Variants in ANKDD1A observed in about 807,000 individuals in gnomAD.
ANKDD1A encodes the protein ankyrin repeat and death domain containing 1A.
Under a neutral mutation model 63.5 loss-of-function variants are expected in ANKDD1A, and 59 were observed. That is an observed-to-expected ratio of 0.93 (90% confidence interval 0.75 to 1.15). ANKDD1A has a LOEUF of 1.15. Among genes scored for constraint, ANKDD1A ranks in the 50% most tolerant of loss-of-function variants. ANKDD1A has a pLI of 0.00. For missense variants in ANKDD1A, 632 were observed against 656.4 expected, an observed-to-expected ratio of 0.96 and a Z score of 0.41; for synonymous variants, 266 against 263.9, an observed-to-expected ratio of 1.01 and a Z score of -0.08.
chr15:64,916,018 AGGGAGGCTCG>A, intron 2 of ANKDD1A, 118 bp downstream of exon 2: 3 of 979,250 alleles, frequency 3.1e-6, no homozygotes, highest in Admixed American at 4.9e-5. Context: ...GTAAACTTGG[AGGGAGGCTCG>A]GGCTCTGTCC....
At chr15:64,941,885 C>G (rs1320072528) in intron 9 of ANKDD1A, among the ~76,000 whole-genome samples, 1 of 152,114 alleles carries the variant, frequency 6.6e-6, no homozygotes, top group Non-Finnish European at 1.5e-5. Flanking sequence ...CTCTTTCATT[C>G]ATTCATTTTT....
chr15:64,950,901 C>T, intron 14 of ANKDD1A: 4 of 1,240,394 alleles, frequency 3.2e-6, no homozygotes, highest in Non-Finnish European at 4.1e-6. Flanking sequence ...TAAAACCAGT[C>T]CTGTGAGGCA....
intron 1 of ANKDD1A, among the ~76,000 whole-genome samples, chr15:64,913,460 G>A (rs1302776287): frequency 1.3e-5 from 2 of 152,170 alleles, no homozygotes; most frequent in African/African-American, 4.8e-5. Context: ...ACTGTGCCAG[G>A]GGGTTTTCAT....
At chr15:64,951,427 CTTCT>C (rs2085273856) in intron 14 of ANKDD1A, 10 of 106,186 alleles carry the variant, frequency 9.4e-5, no homozygotes, top group African/African-American at 4.1e-4. Context: ...TTCCTCTTTT[CTTCT>C]TTTTCTTTCT....
chr15:64,944,023 G>A (rs1437680325), intron 11 of ANKDD1A, among the ~76,000 whole-genome samples: 3 of 152,192 alleles, frequency 2.0e-5, no homozygotes, highest in East Asian at 3.9e-4. Context: ...GTATGAGGCT[G>A]GGAGGTCACA....
intron 9 of ANKDD1A, among the ~76,000 whole-genome samples, chr15:64,942,175 A>C (rs1387889670): frequency 1.5e-4 from 23 of 152,126 alleles, no homozygotes; most frequent in Admixed American, 1.1e-3. Context: ...TTGCCAGATG[A>C]AGAGTAGCAG....
Position 64,939,564 on chromosome 15 carries a change from A to G in ANKDD1A, c.868-2903A>G, listed in dbSNP as rs550419889. On this transcript the variant is annotated intron_variant, in intron 9 of 14. Transcript: ENST00000319580. ...CAAGGGTTTGAAGCTGCAGTCAACT[A>G]TGATCACACACTGCGCTCCAACCTG... 1.1e-3 allele frequency among the ~76,000 whole-genome samples: 172 copies of G among 152,316 alleles called. 1 individual carries two copies. Among genetic ancestry groups the G allele is most frequent in the African/African-American group, 3.8e-3 (156 of 41,570 alleles).
At chr15:64,915,648 G>A in intron 1 of ANKDD1A, 149 bp from the exon 2 acceptor site, 1 of 606,660 alleles carries the variant, frequency 1.6e-6, no homozygotes, top group Non-Finnish European at 2.9e-6. Flanking sequence ...GACCTTGAGA[G>A]GGAGGAGGGC....
intron 9 of ANKDD1A, among the ~76,000 whole-genome samples, chr15:64,942,026 C>CTT (rs2085188381): frequency 6.6e-6 from 1 of 152,166 alleles, no homozygotes; most frequent in Non-Finnish European, 1.5e-5. Flanking sequence ...GTTTTCTGAA[C>CTT]TTCAGTGTTT....
intron 4 of ANKDD1A, among the ~76,000 whole-genome samples, chr15:64,924,066 C>G (rs2085028104): frequency 6.6e-6 from 1 of 152,210 alleles, no homozygotes; most frequent in Admixed American, 6.5e-5. Context: ...GCGGGCAGTT[C>G]CTGTGGCCTT....
intron 9 of ANKDD1A, among the ~76,000 whole-genome samples, chr15:64,935,481 CT>C (rs2085123229): frequency 6.6e-6 from 1 of 152,038 alleles, no homozygotes; most frequent in African/African-American, 2.4e-5. Context: ...CGAGACCATC[CT>C]GGATAACATG....
At chr15:64,935,980 C>G (rs1308378008) in intron 9 of ANKDD1A, among the ~76,000 whole-genome samples, 1 of 152,146 alleles carries the variant, frequency 6.6e-6, no homozygotes, top group Non-Finnish European at 1.5e-5. Flanking sequence ...GCTTTGTATG[C>G]TGGTACTACA....
intron 11 of ANKDD1A, among the ~76,000 whole-genome samples, chr15:64,943,978 C>T (rs1011174579): frequency 6.6e-6 from 1 of 152,240 alleles, no homozygotes; most frequent in African/African-American, 2.4e-5. Flanking sequence ...GCTACGTCCA[C>T]AGGTGCTAGT....
At chr15:64,953,491 CTTT>C (rs2085342249) in intron 14 of ANKDD1A, among the ~76,000 whole-genome samples, 4 of 98,086 alleles carry the variant, frequency 4.1e-5, no homozygotes, top group African/African-American at 1.4e-4. Context: ...TCTCCTTCTT[CTTT>C]AGTTCTTCCT....
chr15:64,955,505 C>T (rs988530156), intron 14 of ANKDD1A, among the ~76,000 whole-genome samples: 1 of 152,156 alleles, frequency 6.6e-6, no homozygotes, highest in Admixed American at 6.5e-5. Context: ...TGTTCTGGGG[C>T]TTGGCTGTAC....
chr15:64,932,406 C>G (rs907722532), intron 8 of ANKDD1A: 1 of 152,194 alleles, frequency 6.6e-6, no homozygotes. Flanking sequence ...TGAAGCTTTT[C>G]CCCTGACAGA....
In ANKDD1A at chr15:64,943,535, G is replaced by T; in HGVS notation, c.1018G>T (p.Ala340Ser). 6.8e-6 allele frequency: 11 copies of T among 1,614,202 alleles called. No homozygotes were observed. The highest frequency in any genetic ancestry group is 9.3e-6 in the Non-Finnish European group (11 of 1,180,040). Reference protein sequence around the residue: ...LAAEHAWQDIADMLLIAGVDL... With the variant: ...LAAEHAWQDISDMLLIAGVDL... ...TGCAGAGCACGCCTGGCAGGACATA[G>T]CAGATATGCTCCTCATTGCTGGGGT... Residue 340 changes from alanine to serine, a missense_variant, in exon 11 of 15, where the codon GCA becomes TCA. Ala to Ser is a moderately conservative substitution (Grantham distance 99). Transcript: ENST00000319580.
At chr15:64,941,600 CA>C (rs1215268393) in intron 9 of ANKDD1A, among the ~76,000 whole-genome samples, 1 of 152,122 alleles carries the variant, frequency 6.6e-6, no homozygotes, top group Non-Finnish European at 1.5e-5. Context: ...CAATAATGGG[CA>C]TTTTTGTTGT....
Position 64,931,567 on chromosome 15 carries a change from C to T in ANKDD1A, c.750C>T (p.Thr250=), listed in dbSNP as rs926694462. 8.7e-6 allele frequency: 14 copies of T among 1,613,844 alleles called. No homozygotes were observed. Among genetic ancestry groups the T allele is most frequent in the Middle Eastern group, 1.6e-4 (1 of 6,080 alleles). ...AGCTCCTCCTCAGGGCTGGGAGCAC[C>T]GTGAATGCCCTCACCCAGGTAGCCA... ...CVQLLLRAGS[T]VNALTQKNLS... The change falls in exon 8 of 15, where the codon ACC becomes ACT. Residue 250 remains threonine (T), a synonymous_variant. Transcript: ENST00000319580.
Sources: allele counts gnomAD v4.1 joint callset (sites outside exome capture counted in the v4.1 genomes callset), GRCh38; gene constraint gnomAD v4.1.1; transcripts MANE v1.5; gene names NCBI Gene and HGNC (gene_info 2026-07-23, HGNC 2026-07-21).